The following RCL1 variants were observed in gnomAD, a reference collection of about 807,000 sequenced individuals.
The protein encoded by RCL1 is RNA 3'-terminal phosphate cyclase-like protein.
In RCL1, 24 loss-of-function variants were observed where a neutral mutation model predicts 42.4. The ratio of observed to expected loss-of-function variants is 0.57; its 90% CI spans 0.41 to 0.80. The LOEUF (loss-of-function observed/expected upper bound fraction) is 0.80. Ranked by LOEUF, RCL1 falls within the 30% of genes least tolerant of loss-of-function variation. The pLI is 0.00. For missense variants in RCL1, 578 were observed against 467.9 expected (o/e 1.24, Z -2.17); for synonymous variants, 228 against 177.3 (o/e 1.29, Z -2.27).
At chr9:4,827,761 C>CGTGTGTGTGTGT (rs59604765) in intron 3 of RCL1, among the ~76,000 whole-genome samples, 1 of 147,558 alleles carries the variant, frequency 6.8e-6, no homozygotes, top group Non-Finnish European at 1.5e-5. Context: ...TGTGTGCACG[C>CGTGTGTGTGTGT]GTGTGTGTGT....
chr9:4,853,390 C>T (rs1009751422), intron 8 of RCL1, among the ~76,000 whole-genome samples: 2 of 151,190 alleles, frequency 1.3e-5, no homozygotes, highest in Admixed American at 6.6e-5. Context: ...GGCGCGATCT[C>T]AGCTCACTGC....
intron 8 of RCL1, among the ~76,000 whole-genome samples, chr9:4,852,510 C>A (rs1587734748): frequency 6.6e-6 from 1 of 152,206 alleles, no homozygotes; most frequent in African/African-American, 2.4e-5. Context: ...TGGAGTCCAG[C>A]CTATCTGGAC....
intron 7 of RCL1, among the ~76,000 whole-genome samples, chr9:4,848,354 A>G (rs1817590804): frequency 6.6e-6 from 1 of 152,198 alleles, no homozygotes; most frequent in Non-Finnish European, 1.5e-5. Flanking sequence ...TTCCTTCACC[A>G]TTATTAGGGC....
chr9:4,812,270 T>C (rs1816207634), intron 1 of RCL1, among the ~76,000 whole-genome samples: 1 of 152,164 alleles, frequency 6.6e-6, no homozygotes, highest in South Asian at 2.1e-4. Flanking sequence ...AGAGTAAACG[T>C]CCTGTAATGC....
intron 3 of RCL1, among the ~76,000 whole-genome samples, chr9:4,831,718 T>G (rs1816949745): frequency 6.6e-6 from 1 of 152,164 alleles, no homozygotes; most frequent in Non-Finnish European, 1.5e-5. Flanking sequence ...TAATCTTCAG[T>G]GGTTTTCCTA....
intron 3 of RCL1, among the ~76,000 whole-genome samples, chr9:4,832,430 C>T (rs970444299): frequency 1.3e-5 from 2 of 152,140 alleles, no homozygotes; most frequent in Admixed American, 6.5e-5. Flanking sequence ...CGGAATGCTA[C>T]CGGCTCTAAA....
intron 1 of RCL1, among the ~76,000 whole-genome samples, chr9:4,807,102 G>A (rs971377280): frequency 1.3e-5 from 2 of 152,084 alleles, no homozygotes; most frequent in African/African-American, 2.4e-5. Context: ...TTTTATTCCC[G>A]ATGTTGCTAA....
intron 8 of RCL1, among the ~76,000 whole-genome samples, chr9:4,858,131 C>G (rs573073235): frequency 6.6e-6 from 1 of 152,036 alleles, no homozygotes; most frequent in Non-Finnish European, 1.5e-5. Flanking sequence ...CTGCCTTGGC[C>G]TCCCAAACTG....
chr9:4,838,907 C>A (rs1057211036), intron 5 of RCL1, among the ~76,000 whole-genome samples: 9 of 152,194 alleles, frequency 5.9e-5, no homozygotes, highest in African/African-American at 1.7e-4. Flanking sequence ...ATTTGTTGGG[C>A]TCCTACTACA....
chr9:4,794,530 A>T (rs927990163), intron 1 of RCL1, among the ~76,000 whole-genome samples: 1 of 152,190 alleles, frequency 6.6e-6, no homozygotes, highest in Non-Finnish European at 1.5e-5. Context: ...GCTGTGTGGC[A>T]TTCTCAGCCA....
intron 8 of RCL1, among the ~76,000 whole-genome samples, chr9:4,849,760 A>C (rs1817660375): frequency 6.6e-6 from 1 of 152,222 alleles, no homozygotes; most frequent in Non-Finnish European, 1.5e-5. Flanking sequence ...ATCCCAGGTA[A>C]CTGAAATTGC....
intron 5 of RCL1, among the ~76,000 whole-genome samples, chr9:4,836,431 C>T (rs1250826243): frequency 6.6e-6 from 1 of 152,116 alleles, no homozygotes; most frequent in African/African-American, 2.4e-5. Flanking sequence ...AAGATCAGAT[C>T]TAGTGGAAAT....
intron 1 of RCL1, among the ~76,000 whole-genome samples, chr9:4,820,202 C>T (rs1046639586): frequency 1.3e-5 from 2 of 152,188 alleles, no homozygotes; most frequent in Admixed American, 6.5e-5. Flanking sequence ...CTTGTAGCCC[C>T]AGGAGCAGTC....
chr9:4,823,548 A>T lies in RCL1; in HGVS notation c.137A>T (p.Asp46Val), dbSNP rs1816662137. ...CTTCACAGATTTTTTTTCTTCACAGATTTTGAAGCCAGCTTCATAAGGCTA... is the reference window on the plus strand; with the variant it reads ...CTTCACAGATTTTTTTTCTTCACAGTTTTTGAAGCCAGCTTCATAAGGCTA... ...RARDDNPGLR[D>V]FEASFIRLLD... Residue 46 changes from aspartate to valine, a missense_variant and splice_region_variant, in exon 2 of 9, where the codon GAT becomes GTT. Asp to Val is a radical substitution (Grantham distance 152). Transcript: ENST00000381750. 6.2e-7 allele frequency: 1 copy of T among 1,608,038 alleles called. No homozygotes were observed. Among genetic ancestry groups the T allele is most frequent in the Admixed American group, 1.7e-5 (1 of 58,730 alleles).
intron 6 of RCL1, among the ~76,000 whole-genome samples, chr9:4,843,514 A>G (rs933186606): frequency 6.6e-6 from 1 of 152,218 alleles, no homozygotes; most frequent in Non-Finnish European, 1.5e-5. Flanking sequence ...TAGGCCTGAT[A>G]ACACATATTT....
At chr9:4,847,345 T>C (rs972207214) in intron 7 of RCL1, among the ~76,000 whole-genome samples, 3 of 152,146 alleles carry the variant, frequency 2.0e-5, no homozygotes, top group African/African-American at 7.2e-5. Context: ...TTCTGTAGAG[T>C]TGTGATGTGA....
intron 3 of RCL1, among the ~76,000 whole-genome samples, chr9:4,830,820 A>C (rs1209965305): frequency 1.3e-5 from 2 of 152,106 alleles, no homozygotes. Flanking sequence ...TAGATTGATT[A>C]CATTTTTACC....
At chr9:4,858,197 T>C (rs10974819) in intron 8 of RCL1, among the ~76,000 whole-genome samples, 2 of 152,180 alleles carry the variant, frequency 1.3e-5, no homozygotes, top group East Asian at 3.9e-4. Flanking sequence ...TTAATTAGGT[T>C]ATTTGTCTTT....
At chr9:4,812,089 G>A (rs540152023) in intron 1 of RCL1, among the ~76,000 whole-genome samples, 1 of 152,236 alleles carries the variant, frequency 6.6e-6, no homozygotes, top group South Asian at 2.1e-4. Context: ...GTATATTCTG[G>A]TTATTAATCC....
Sources: allele counts gnomAD v4.1 joint callset (sites outside exome capture counted in the v4.1 genomes callset), GRCh38; gene constraint gnomAD v4.1.1; transcripts MANE v1.5; gene names NCBI Gene and HGNC (gene_info 2026-07-23, HGNC 2026-07-21).